The following ASTN2 variants were observed in gnomAD, a reference collection of about 807,000 sequenced individuals.
The protein encoded by ASTN2 is astrotactin-2.
ASTN2 carries 54 observed loss-of-function variants against 139.8 expected under a neutral mutation model. That is an observed-to-expected ratio of 0.39 (90% CI 0.31 to 0.48). The LOEUF is 0.48. ASTN2 is among the 20% of genes least tolerant of loss of function. ASTN2 has a pLI of 0.95. For missense variants in ASTN2, 1,565 were observed against 1,725.1 expected (o/e 0.91, Z 1.64); for synonymous variants, 756 against 719.5 (o/e 1.05, Z -0.81).
chr9:116,862,636 A>G (rs1198231175), intron 11 of ASTN2, among the ~76,000 whole-genome samples: 3 of 152,188 alleles, frequency 2.0e-5, no homozygotes, highest in African/African-American at 7.2e-5. Flanking sequence ...ATAGAACTCC[A>G]TCTAATCAGC....
At chr9:116,597,701 G>A (rs1854662109) in intron 19 of ASTN2, among the ~76,000 whole-genome samples, 2 of 152,052 alleles carry the variant, frequency 1.3e-5, no homozygotes, top group African/African-American at 4.8e-5. Context: ...TATAATGTGA[G>A]TGAGAGGTGA....
At chr9:116,976,216 G>T in intron 8 of ASTN2, 28 bp from the exon 9 acceptor site, 1 of 1,599,006 alleles carries the variant, frequency 6.3e-7, no homozygotes, top group Non-Finnish European at 8.6e-7. Context: ...GGGGAGAGAA[G>T]ATGACATTAG....
chr9:116,523,202 C>T (rs1012810611), intron 19 of ASTN2, among the ~76,000 whole-genome samples: 2 of 151,514 alleles, frequency 1.3e-5, no homozygotes, highest in Non-Finnish European at 2.9e-5. Context: ...AATTCAGAGA[C>T]CTTTTTTTTT....
intron 15 of ASTN2, among the ~76,000 whole-genome samples, chr9:116,727,338 C>T (rs890368427): frequency 6.6e-6 from 1 of 152,156 alleles, no homozygotes; most frequent in Non-Finnish European, 1.5e-5. Context: ...AACACTGTGC[C>T]ACATCAAAGT....
chr9:117,277,859 A>G (rs1459416969), intron 2 of ASTN2, among the ~76,000 whole-genome samples: 6 of 152,144 alleles, frequency 3.9e-5, no homozygotes. Flanking sequence ...CATATTCCCC[A>G]CCATATGGTA....
intron 3 of ASTN2, among the ~76,000 whole-genome samples, chr9:117,141,703 A>G (rs753204396): frequency 6.6e-6 from 1 of 152,216 alleles, no homozygotes; most frequent in Non-Finnish European, 1.5e-5. Flanking sequence ...TGTATTCAAC[A>G]TTTACTACGT....
chr9:116,510,243 G>T (rs1850310765), intron 19 of ASTN2, among the ~76,000 whole-genome samples: 1 of 152,176 alleles, frequency 6.6e-6, no homozygotes, highest in African/African-American at 2.4e-5. Context: ...AGTTTTCCCA[G>T]CACCATTTGT....
At chr9:117,388,610 AC>A (rs1830462493) in intron 1 of ASTN2, among the ~76,000 whole-genome samples, 2 of 152,186 alleles carry the variant, frequency 1.3e-5, no homozygotes, top group African/African-American at 4.8e-5. Context: ...TTGCAGACCA[AC>A]TGATAGACCC....
chr9:116,884,745 C>A (rs563381404), intron 10 of ASTN2, among the ~76,000 whole-genome samples: 1 of 151,166 alleles, frequency 6.6e-6, no homozygotes, highest in South Asian at 2.1e-4. Flanking sequence ...TCACTCTGAT[C>A]TCTGCCTTGA....
chr9:117,240,545 G>A (rs993611740), intron 2 of ASTN2, among the ~76,000 whole-genome samples: 11 of 152,110 alleles, frequency 7.2e-5, no homozygotes, highest in Non-Finnish European at 1.5e-4. Flanking sequence ...GATTAGGGAG[G>A]TACCACAAAG....
intron 10 of ASTN2, among the ~76,000 whole-genome samples, chr9:116,912,228 T>G (rs1834330941): frequency 6.6e-6 from 1 of 152,246 alleles, no homozygotes; most frequent in African/African-American, 2.4e-5. Context: ...TGAACCTTAG[T>G]TCCCCTATTA....
Position 116,863,714 on chromosome 9 carries a change from T to A in ASTN2, c.1909A>T (p.Thr637Ser). The A allele has an allele frequency of 1.9e-6, 3 of 1,613,794 alleles. No homozygotes were observed. Among genetic ancestry groups the A allele is most frequent in the Non-Finnish European group, 2.5e-6 (3 of 1,179,794 alleles). ...AGGTCATTGATGGTTTCAAAGTATG[T>A]GGACAGCATCGCTTCTTCCCTTGGA... is the stretch of plus-strand genomic sequence containing the variant. Reference protein sequence around the residue: ...ADVREEAMLSTYFETINDLLS... With the variant: ...ADVREEAMLSSYFETINDLLS... The change falls in exon 11 of 23, where the codon ACA (threonine) becomes TCA (serine). Residue 637 changes from threonine (T) to serine (S), a missense_variant. Physicochemically the swap from Thr to Ser is moderately conservative, Grantham distance 58. Coordinates refer to ENST00000313400, the MANE Select transcript of ASTN2 (RefSeq NM_001365068.1).
intron 2 of ASTN2, among the ~76,000 whole-genome samples, chr9:117,239,248 C>T (rs1833136659): frequency 1.3e-5 from 2 of 152,186 alleles, no homozygotes; most frequent in Non-Finnish European, 2.9e-5. Flanking sequence ...TCCTAAGCAT[C>T]TCCAAATGCC....
At chr9:117,387,572 A>T (rs1480229169) in intron 1 of ASTN2, among the ~76,000 whole-genome samples, 2 of 152,200 alleles carry the variant, frequency 1.3e-5, no homozygotes, top group Non-Finnish European at 2.9e-5. Context: ...GCCAAGAGGC[A>T]GAAGTGGGTC....
intron 2 of ASTN2, among the ~76,000 whole-genome samples, chr9:117,262,015 C>A (rs1029926816): frequency 4.6e-5 from 7 of 152,126 alleles, no homozygotes; most frequent in Admixed American, 2.0e-4. Flanking sequence ...TATTTCAATT[C>A]TCTTTCTTTC....
chr9:116,424,593 C>CTTTT lies in ASTN2; in HGVS notation c.*1254_*1257dup, dbSNP rs11451556. Among the ~76,000 whole-genome samples, 1 of 142,526 alleles carries CTTTT rather than the reference C, an allele frequency of 7.0e-6. No homozygotes were observed. The highest frequency in any genetic ancestry group is 1.5e-5 in the Non-Finnish European group (1 of 65,834). The allele number at this position is 142,526 out of a possible 152,430, so 93.5% of individuals were successfully genotyped here. ...CTCTTCTTCCTGGAGCAAATTCCAT[C>CTTTT]TTTTTTTTTTTTTTTAAGTTGTCAC... On this transcript the variant is annotated 3_prime_UTR_variant, in exon 23 of 23. Coordinates refer to ENST00000313400, the MANE Select transcript of ASTN2 (RefSeq NM_001365068.1).
At chr9:116,841,394 G>T (rs929125745) in intron 11 of ASTN2, among the ~76,000 whole-genome samples, 1 of 151,926 alleles carries the variant, frequency 6.6e-6, no homozygotes, top group African/African-American at 2.4e-5. Flanking sequence ...AGAGGGAGAG[G>T]AGACTGACTC....
chr9:116,812,758 T>C (rs1246808940), intron 12 of ASTN2, among the ~76,000 whole-genome samples: 1 of 152,046 alleles, frequency 6.6e-6, no homozygotes, highest in Non-Finnish European at 1.5e-5. Context: ...AATCAAAACT[T>C]AGGAGCTCAA....
intron 19 of ASTN2, among the ~76,000 whole-genome samples, chr9:116,570,032 A>T (rs1853431363): frequency 1.3e-5 from 2 of 152,178 alleles, no homozygotes; most frequent in African/African-American, 4.8e-5. Context: ...ATGGGGTGGA[A>T]AAGTCAGGGG....
Sources: gnomAD v4.1 joint callset for allele counts (sites outside exome capture counted in the v4.1 genomes callset) on GRCh38, gnomAD v4.1.1 for gene constraint, MANE v1.5 for transcripts, NCBI Gene and HGNC (gene_info 2026-07-23, HGNC 2026-07-21) for gene names.